SLCO2A1: variants seen among roughly 807,000 people sequenced by gnomAD.
The protein encoded by SLCO2A1 is matrin F/G 1.
In SLCO2A1, 60 loss-of-function variants were observed where a neutral mutation model predicts 71.7. The observed-to-expected ratio is 0.84, with a 90% CI of 0.68 to 1.04. The LOEUF is 1.04. SLCO2A1 is among the 50% of genes least tolerant of loss of function. The probability of loss-of-function intolerance (pLI) is 0.00; values close to 1 mark genes in which losing one functional copy is unlikely to be tolerated. For missense variants in SLCO2A1, 745 were observed against 813.4 expected (o/e 0.92, Z 1.02); for synonymous variants, 308 against 326.7 (o/e 0.94, Z 0.62).
intron 1 of SLCO2A1, among the ~76,000 whole-genome samples, chr3:134,014,204 C>T (rs1038225724): frequency 6.6e-5 from 10 of 152,088 alleles, no homozygotes; most frequent in Middle Eastern, 3.2e-3. Context: ...CTGCCCTGTT[C>T]GGGGGTGGGA....
intron 5 of SLCO2A1, among the ~76,000 whole-genome samples, chr3:133,953,452 T>C (rs1206839615): frequency 6.6e-6 from 1 of 152,222 alleles, no homozygotes; most frequent in Non-Finnish European, 1.5e-5. Context: ...AGCAGCTTGT[T>C]CCTCACAGTG....
intron 1 of SLCO2A1, among the ~76,000 whole-genome samples, chr3:134,021,270 T>C (rs1311767129): frequency 1.3e-5 from 2 of 152,200 alleles, no homozygotes; most frequent in African/African-American, 4.8e-5. Flanking sequence ...AGGAACTATG[T>C]TGAAAAATTT....
chr3:133,957,181 C>A (rs1416416365), intron 3 of SLCO2A1, among the ~76,000 whole-genome samples: 1 of 152,210 alleles, frequency 6.6e-6, no homozygotes, highest in Admixed American at 6.6e-5. Context: ...ATCTTGCTCA[C>A]TTAACACTGA....
chr3:134,000,851 C>T (rs1935091044), intron 1 of SLCO2A1, among the ~76,000 whole-genome samples: 1 of 152,214 alleles, frequency 6.6e-6, no homozygotes, highest in Non-Finnish European at 1.5e-5. Context: ...CCTTTTGCTT[C>T]TGCTCCCTGA....
intron 2 of SLCO2A1, among the ~76,000 whole-genome samples, chr3:133,975,866 A>T (rs997246517): frequency 1.3e-5 from 2 of 151,904 alleles, no homozygotes; most frequent in African/African-American, 4.8e-5. Context: ...CATCCCCAAC[A>T]CTGAGGCCCC....
At chr3:133,969,585 T>C (rs1262091027) in intron 3 of SLCO2A1, among the ~76,000 whole-genome samples, 1 of 151,758 alleles carries the variant, frequency 6.6e-6, no homozygotes, top group Non-Finnish European at 1.5e-5. Context: ...GGGGTCTCAC[T>C]GTGTTGCCCA....
chr3:134,020,438 C>T (rs943067892), intron 1 of SLCO2A1, among the ~76,000 whole-genome samples: 4 of 152,178 alleles, frequency 2.6e-5, no homozygotes, highest in Admixed American at 2.6e-4. Flanking sequence ...CGGGGGACTC[C>T]AACTAGCCCA....
At chr3:134,029,336 G>T (rs1460965155) in intron 1 of SLCO2A1, among the ~76,000 whole-genome samples, 2 of 152,148 alleles carry the variant, frequency 1.3e-5, no homozygotes, top group African/African-American at 2.4e-5. Flanking sequence ...GCTGGAGGCC[G>T]AAAAAGCGTT....
chr3:133,958,423 AC>A (rs1221662037), intron 3 of SLCO2A1, among the ~76,000 whole-genome samples: 2 of 152,136 alleles, frequency 1.3e-5, no homozygotes, highest in African/African-American at 4.8e-5. Flanking sequence ...CAGACAGGAC[AC>A]CCGGGGCTGT....
chr3:133,955,179 A>C lies in SLCO2A1; in HGVS notation c.412T>G (p.Leu138Val). The C allele has an allele frequency of 6.2e-7, 1 of 1,613,516 alleles. No homozygotes were observed. Among genetic ancestry groups the C allele is most frequent in the East Asian group, 2.2e-5 (1 of 44,866 alleles). Residue 138 changes from leucine to valine, a missense_variant, in exon 4 of 14, where the codon TTG (leucine) becomes GTG (valine). By Grantham distance (32) the Leu-to-Val change is conservative (BLOSUM62 1). Coordinates refer to ENST00000310926, the MANE Select transcript of SLCO2A1 (RefSeq NM_005630.3). ...TGCTTCTGGCAGAGCTCGGCCTGCA[A>C]GCGGCTGTTGTTCCCTGCAACGAGA... ...TLASTGNNSR[L>V]QAELCQKHWQ...
At chr3:133,960,042 C>A (rs1024932408) in intron 3 of SLCO2A1, among the ~76,000 whole-genome samples, 1 of 152,150 alleles carries the variant, frequency 6.6e-6, no homozygotes, top group Non-Finnish European at 1.5e-5. Flanking sequence ...ATGGCGTGAA[C>A]CCAGGAAGCG....
At chr3:133,998,817 C>T (rs566573602) in intron 1 of SLCO2A1, 1 of 152,276 alleles carries the variant, frequency 6.6e-6, no homozygotes, top group Non-Finnish European at 1.5e-5. Context: ...TGTTGATTTG[C>T]TTTTCCAGAC....
chr3:134,014,141 T>C (rs1279511757), intron 1 of SLCO2A1, among the ~76,000 whole-genome samples: 3 of 152,182 alleles, frequency 2.0e-5, no homozygotes, highest in Non-Finnish European at 4.4e-5. Context: ...TCATCAGGAC[T>C]CTCAGGTTCC....
At chr3:133,939,644 G>A (rs1055685465) in intron 11 of SLCO2A1, among the ~76,000 whole-genome samples, 1 of 152,236 alleles carries the variant, frequency 6.6e-6, no homozygotes, top group East Asian at 1.9e-4. Context: ...AATGCAAAGT[G>A]TCTCAAATCC....
intron 1 of SLCO2A1, among the ~76,000 whole-genome samples, chr3:134,006,911 AG>A (rs1454383333): frequency 6.6e-6 from 1 of 152,198 alleles, no homozygotes; most frequent in African/African-American, 2.4e-5. Context: ...TGTTTTCCAT[AG>A]CAGCTGCATC....
In SLCO2A1 at chr3:134,026,584, C is replaced by T. The variant is rs910191045; in HGVS notation, c.96+3123G>A. Among the ~76,000 whole-genome samples the T allele has an allele frequency of 6.6e-5, 10 of 152,054 alleles. 1 individual carries two copies. The highest frequency in any genetic ancestry group is 1.3e-4 in the Admixed American group (2 of 15,270). On this transcript the variant is annotated intron_variant, in intron 1 of 13. Transcript: ENST00000310926. Reference sequence around the variant, plus strand: ...TATTATAGGCCTGCTAGGCACAAGACGGCTTGTGAGGATACCAGACCCCCA... The same window carrying T: ...TATTATAGGCCTGCTAGGCACAAGATGGCTTGTGAGGATACCAGACCCCCA...
intron 1 of SLCO2A1, among the ~76,000 whole-genome samples, chr3:133,994,029 G>A (rs539967970): frequency 6.6e-6 from 1 of 152,236 alleles, no homozygotes; most frequent in East Asian, 1.9e-4. Context: ...CAGGAAAGGA[G>A]GGACCCTGCA....
At chr3:133,946,699 GCTT>G (rs1933586408) in intron 9 of SLCO2A1, among the ~76,000 whole-genome samples, 1 of 152,184 alleles carries the variant, frequency 6.6e-6, no homozygotes, top group African/African-American at 2.4e-5. Flanking sequence ...AGTTTTTGGT[GCTT>G]CTTAAGAAAA....
chr3:133,953,531 G>A (rs1933800638), intron 5 of SLCO2A1, 132 bp downstream of exon 5: 3 of 681,746 alleles, frequency 4.4e-6, no homozygotes, highest in Non-Finnish European at 7.9e-6. Context: ...CTGCAGGGAT[G>A]AGTGAGCGAG....
Sources: gnomAD v4.1 joint callset for allele counts (sites outside exome capture counted in the v4.1 genomes callset) on GRCh38, gnomAD v4.1.1 for gene constraint, MANE v1.5 for transcripts, NCBI Gene and HGNC (gene_info 2026-07-23, HGNC 2026-07-21) for gene names.